ARHGAP23: variants seen among roughly 807,000 people sequenced by gnomAD.
ARHGAP23 encodes the protein rho GTPase-activating protein 23.
A neutral mutation model predicts 136.3 loss-of-function variants in ARHGAP23; 34 were observed. The ratio of observed to expected loss-of-function variants is 0.25; its 90% CI spans 0.19 to 0.33. The LOEUF is 0.33. Ranked by LOEUF, ARHGAP23 falls within the 10% of genes least tolerant of loss-of-function variation. ARHGAP23 has a pLI of 1.00. For synonymous variants in ARHGAP23, 832 were observed against 920.5 expected (o/e 0.90, Z 1.74); for missense variants, 1,808 against 2,139.0 (o/e 0.85, Z 3.05).
Position 38,434,720 on chromosome 17 carries a change from TCTC to T in ARHGAP23, c.63+6175_63+6177del, listed in dbSNP as rs552147782. ...TCATTCTGGCCCGAGAGTGTTTCTG[TCTC>T]CTATCTGACTTCTGTCTGGCTCTGT... On this transcript the variant is annotated intron_variant, in intron 1 of 23. Coordinates refer to ENST00000622683, the MANE Select transcript of ARHGAP23 (RefSeq NM_001199417.2). 3.4e-3 allele frequency among the ~76,000 whole-genome samples: 513 copies of T among 152,326 alleles called. 5 individuals are homozygous for T. Among genetic ancestry groups the T allele is most frequent in the Admixed American group, 5.2e-3 (80 of 15,306 alleles).
upstream of ARHGAP23, chr17:38,428,391 A>T: frequency 2.2e-6 from 1 of 448,660 alleles, no homozygotes; most frequent in Non-Finnish European, 3.4e-6. Context: ...GGGCCCCCCC[A>T]CACCGCGCTC....
intron 1 of ARHGAP23, among the ~76,000 whole-genome samples, chr17:38,423,414 C>T (rs1248976375): frequency 6.6e-6 from 1 of 151,842 alleles, no homozygotes; most frequent in Non-Finnish European, 1.5e-5. Context: ...TTCTATCGCC[C>T]AGGCAAGAGT....
intron 23 of ARHGAP23, among the ~76,000 whole-genome samples, chr17:38,509,482 G>T (rs1019573058): frequency 6.6e-6 from 1 of 152,144 alleles, no homozygotes; most frequent in Non-Finnish European, 1.5e-5. Flanking sequence ...AGGTGGCAGC[G>T]GGTGGAGAGG....
intron 1 of ARHGAP23, among the ~76,000 whole-genome samples, chr17:38,432,604 G>T (rs1198200271): frequency 6.6e-6 from 1 of 152,062 alleles, no homozygotes; most frequent in African/African-American, 2.4e-5. Flanking sequence ...GCTTGAACCT[G>T]GGAGAGGGAG....
intron 16 of ARHGAP23, 116 bp downstream of exon 16, chr17:38,482,794 G>C (rs1157522489): frequency 1.7e-4 from 208 of 1,246,076 alleles, no homozygotes; most frequent in Non-Finnish European, 2.0e-4. Context: ...TGACATGCCC[G>C]GCATTGGTCC....
rs530373866 is a variant in ARHGAP23, at chr17:38,457,717, T to G, written c.64-385T>G. The G allele has an allele frequency of 2.2e-5, 7 of 311,322 alleles. No homozygotes were observed. The East Asian group carries it at 5.9e-4, about 26-fold the overall frequency. The allele number at this position is 311,322 out of a possible 1,614,324, so 19.3% of individuals were successfully genotyped here. A position where few individuals can be genotyped will look rare whatever the true frequency, so the allele number is the denominator to read the frequency against. ...GTGTGCATGTGTGTGTGTGAGATTGTGCATGAGCTAAGACAACGACAGGCA... is the reference window on the plus strand; with the variant it reads ...GTGTGCATGTGTGTGTGTGAGATTGGGCATGAGCTAAGACAACGACAGGCA... On this transcript the variant is annotated intron_variant, in intron 1 of 23. Transcript: ENST00000622683.
In ARHGAP23 at chr17:38,447,040, T is replaced by G. The variant is rs181431491; in HGVS notation, c.64-11062T>G. Among the ~76,000 whole-genome samples the G allele has an allele frequency of 3.7e-3, 567 of 152,264 alleles. 6 individuals are homozygous for G. Among genetic ancestry groups the G allele is most frequent in the African/African-American group, 0.012 (519 of 41,548 alleles). ...GTTTCCCAGGCTGGTCTTGCACTCC[T>G]GGCCTCCCAAACACTGGGATTACAG... On this transcript the variant is annotated intron_variant, in intron 1 of 23. Transcript: ENST00000622683.
chr17:38,494,258 T>C (rs1454629432), intron 20 of ARHGAP23, among the ~76,000 whole-genome samples: 1 of 152,164 alleles, frequency 6.6e-6, no homozygotes, highest in Admixed American at 6.5e-5. Flanking sequence ...GAGATGACAA[T>C]ACTGTTTACC....
At chr17:38,431,199 C>G (rs2144487604) in intron 1 of ARHGAP23, among the ~76,000 whole-genome samples, 2 of 152,314 alleles carry the variant, frequency 1.3e-5, no homozygotes, top group South Asian at 4.1e-4. Context: ...AGATCAAGGT[C>G]AGCTTCTGGC....
Position 38,509,948 on chromosome 17 carries a change from C to G in ARHGAP23, c.3452C>G (p.Ser1151Trp). ...TTCSSAKSKGSWAPKKEPYAR... is the reference protein window; with the variant it reads ...TTCSSAKSKGWWAPKKEPYAR... ...CCTGACCTGTCTCCCACACAGGGTT[C>G]GTGGGCCCCCAAGAAGGAGCCGTAC... The change falls in exon 24 of 24, where the codon TCG becomes TGG. Residue 1151 changes from serine (S) to tryptophan (W), a missense_variant. Transcript: ENST00000622683. 3 of 1,249,686 alleles carry G rather than the reference C, an allele frequency of 2.4e-6. No individual in the cohort carries two copies. The highest frequency in any genetic ancestry group is 3.0e-6 in the Non-Finnish European group (3 of 991,082). 77.4% of individuals were successfully genotyped at this position (1,249,686 alleles called of 1,614,324 possible).
chr17:38,482,717 A>G (rs1262453602), intron 16 of ARHGAP23, 39 bp downstream of exon 16: 1 of 1,524,198 alleles, frequency 6.6e-7, no homozygotes, highest in African/African-American at 1.4e-5. Flanking sequence ...AGGGGCTGAG[A>G]TGGTGTGTGG....
intron 1 of ARHGAP23, chr17:38,453,759 C>T (rs2039248578): frequency 6.8e-6 from 1 of 146,778 alleles, no homozygotes; most frequent in Non-Finnish European, 1.5e-5. Context: ...CGCGGGCCGT[C>T]CGTCCCTTCG....
In ARHGAP23 at chr17:38,479,633, T is replaced by C. The variant is rs940528352; in HGVS notation, c.2499-120T>C. Reference sequence around the variant, plus strand: ...GTATCCAGGGTCTCCAGGCTGCAGTTAGGCATGGAGGCATTGCCTCAGGGT... The same window carrying C: ...GTATCCAGGGTCTCCAGGCTGCAGTCAGGCATGGAGGCATTGCCTCAGGGT... On this transcript the variant is annotated intron_variant, in intron 13 of 23. Transcript: ENST00000622683. 2.8e-6 allele frequency: 4 copies of C among 1,414,726 alleles called. No individual in the cohort carries two copies. In the African/African-American group the frequency reaches 5.7e-5, roughly 20 times the overall value. 87.6% of individuals were successfully genotyped at this position (1,414,726 alleles called of 1,614,324 possible).
At position 38,433,860 on chromosome 17, in the gene ARHGAP23, G is replaced by A. The variant is rs79414615; in HGVS notation, c.63+5312G>A. Among the ~76,000 whole-genome samples the A allele has an allele frequency of 3.5e-3, 535 of 152,280 alleles. 2 individuals are homozygous for A. Among genetic ancestry groups the A allele is most frequent in the African/African-American group, 0.012 (490 of 41,550 alleles). ...TAGGCCCAGGAAGGGCTTGGTGGCC[G>A]AGGGACAGAGAGGAGCCTGGGCCAC... On this transcript the variant is annotated intron_variant, in intron 1 of 23. Coordinates refer to ENST00000622683, the MANE Select transcript of ARHGAP23 (RefSeq NM_001199417.2).
At chr17:38,484,972 C>T (rs1043185478) in intron 16 of ARHGAP23, among the ~76,000 whole-genome samples, 25 of 152,148 alleles carry the variant, frequency 1.6e-4, no homozygotes, top group Non-Finnish European at 2.8e-4. Context: ...TATTAGGTCG[C>T]TTTCTGGGCC....
At chr17:38,429,484 C>A (rs2038640704) in intron 1 of ARHGAP23, among the ~76,000 whole-genome samples, 1 of 152,246 alleles carries the variant, frequency 6.6e-6, no homozygotes, top group Non-Finnish European at 1.5e-5. Flanking sequence ...AAGGCCAGGG[C>A]TGAGGCCTGT....
intron 1 of ARHGAP23, among the ~76,000 whole-genome samples, chr17:38,437,201 C>T (rs957587808): frequency 6.4e-5 from 8 of 125,960 alleles, no homozygotes; most frequent in East Asian, 2.5e-4. Flanking sequence ...GATTGCTTGA[C>T]GCCAGGATTT....
intron 1 of ARHGAP23, among the ~76,000 whole-genome samples, chr17:38,440,360 T>G (rs2038894552): frequency 6.6e-6 from 1 of 152,228 alleles, no homozygotes; most frequent in Non-Finnish European, 1.5e-5. Context: ...ACAGCACCTT[T>G]ATTTGTTGCA....
rs745375857 is a variant in ARHGAP23 at position 38,507,300 on chromosome 17, T to TAATAATAATAATAATAATAATAAC, written c.3448-2638_3448-2637insAATAATAATAATAATAACAATAAT. On this transcript the variant is annotated intron_variant, in intron 23 of 23. Coordinates refer to ENST00000622683, the MANE Select transcript of ARHGAP23 (RefSeq NM_001199417.2). ...AAAATAATAATAATAATAATAATAA[T>TAATAATAATAATAATAATAATAAC]AATAATGCTCTAGCCTGGTGCAAGG... 2.5e-4 allele frequency among the ~76,000 whole-genome samples: 38 copies of TAATAATAATAATAATAATAATAAC among 150,220 alleles called. 1 individual carries two copies. The highest frequency in any genetic ancestry group is 4.4e-4 in the Non-Finnish European group (30 of 67,612).
Sources: allele counts gnomAD v4.1 joint callset (sites outside exome capture counted in the v4.1 genomes callset), GRCh38; gene constraint gnomAD v4.1.1; transcripts MANE v1.5; gene names NCBI Gene and HGNC (gene_info 2026-07-23, HGNC 2026-07-21).